The following ADAMTSL1 variants were observed in gnomAD, a reference collection of about 807,000 sequenced individuals.
ADAMTSL1 encodes the protein ADAMTS-like protein 1.
Under a neutral mutation model 201.8 loss-of-function variants are expected in ADAMTSL1, and 126 were observed. The observed-to-expected ratio is 0.62, with a 90% CI of 0.54 to 0.72. ADAMTSL1 has a LOEUF of 0.72. Ranked by LOEUF, ADAMTSL1 falls within the 30% of genes least tolerant of loss-of-function variation. The pLI is 0.00. For synonymous variants in ADAMTSL1, 1,121 were observed against 903.4 expected (o/e 1.24, Z -4.32); for missense variants, 2,679 against 2,277.8 (o/e 1.18, Z -3.59).
At position 18,534,732 on chromosome 9, in the gene ADAMTSL1, A is replaced by G. The variant is rs533440426; in HGVS notation, c.237+1440A>G. On this transcript the variant is annotated intron_variant, in intron 3 of 28. Coordinates refer to ENST00000380548, the MANE Select transcript of ADAMTSL1 (RefSeq NM_001040272.6). Reference sequence around the variant, plus strand: ...TCTAAGCAGAGGTTCCCAAACCTCAATTCTTCTGCACACCTGCAGGACCAC... The same window carrying G: ...TCTAAGCAGAGGTTCCCAAACCTCAGTTCTTCTGCACACCTGCAGGACCAC... Among the ~76,000 whole-genome samples, 45 of 152,300 alleles carry G rather than the reference A, an allele frequency of 3.0e-4. No individual in the cohort carries two copies. The South Asian group carries it at 8.9e-3, about 30-fold the overall frequency.
chr9:18,508,664 T>G (rs964022235), intron 2 of ADAMTSL1, among the ~76,000 whole-genome samples: 13 of 152,206 alleles, frequency 8.5e-5, no homozygotes, highest in Non-Finnish European at 1.6e-4. Flanking sequence ...CTAGCATTCA[T>G]TAAACTTTCA....
Position 18,887,994 on chromosome 9 carries a change from T to C in ADAMTSL1, c.4413T>C (p.Ala1471=), listed in dbSNP as rs188572667. The change falls in exon 24 of 29, where the codon GCT becomes GCC. Residue 1471 remains alanine (A), a synonymous_variant. Coordinates refer to ENST00000380548, the MANE Select transcript of ADAMTSL1 (RefSeq NM_001040272.6). ...CTCAAGGGGAATTCAGCTGCCTTGCTCAGAATGAGGCAGGGGTGCTCATGC... is the reference window on the plus strand; with the variant it reads ...CTCAAGGGGAATTCAGCTGCCTTGCCCAGAATGAGGCAGGGGTGCTCATGC... The part of the protein sequence containing the change: ...GGSQGEFSCL[A]QNEAGVLMQK... The C allele has an allele frequency of 5.0e-6, 8 of 1,613,960 alleles. No homozygotes were observed. In the East Asian group the frequency reaches 1.8e-4, roughly 36 times the overall value.
At position 18,287,604 on chromosome 9, in the gene ADAMTSL1, T is replaced by C. The variant is rs200791717; in HGVS notation, c.207+123623T>C. ...ATATGTGTATATATACACACATATA[T>C]GCATATATGTATGTGTATACATATA... is the stretch of plus-strand genomic sequence containing the variant. On this transcript the variant is annotated intron_variant, in intron 2 of 29. Coordinates refer to the ADAMTSL1 transcript ENST00000680146. 1.5e-3 allele frequency among the ~76,000 whole-genome samples: 189 copies of C among 129,222 alleles called. 1 individual carries two copies. Among genetic ancestry groups the C allele is most frequent in the East Asian group, 0.014 (68 of 4,696 alleles). 84.8% of individuals were successfully genotyped at this position (129,222 alleles called of 152,430 possible).
chr9:17,978,740 A>T (rs1029519961), intron 1 of ADAMTSL1, among the ~76,000 whole-genome samples: 1 of 151,996 alleles, frequency 6.6e-6, no homozygotes, highest in Non-Finnish European at 1.5e-5. Context: ...AGTATTATGA[A>T]TTTTTCTAAA....
intron 1 of ADAMTSL1, among the ~76,000 whole-genome samples, chr9:18,046,222 C>A (rs1169031387): frequency 6.6e-6 from 1 of 152,122 alleles, no homozygotes; most frequent in African/African-American, 2.4e-5. Context: ...AATGCAGAGA[C>A]TCAAAACAAG....
chr9:18,519,996 G>A (rs1265957065), intron 2 of ADAMTSL1, among the ~76,000 whole-genome samples: 2 of 152,122 alleles, frequency 1.3e-5, no homozygotes, highest in Non-Finnish European at 2.9e-5. Flanking sequence ...TTGAAGAACA[G>A]GCAGGGATAT....
At chr9:18,307,255 A>C (rs901156744) in intron 2 of ADAMTSL1, among the ~76,000 whole-genome samples, 11 of 152,204 alleles carry the variant, frequency 7.2e-5, no homozygotes, top group East Asian at 3.8e-4. Context: ...CAAATTGTAA[A>C]GACCGTTGAT....
At chr9:18,108,748 A>G (rs1175444619) in intron 1 of ADAMTSL1, among the ~76,000 whole-genome samples, 2 of 152,096 alleles carry the variant, frequency 1.3e-5, no homozygotes, top group Non-Finnish European at 2.9e-5. Context: ...ATCCCTTATC[A>G]TGGACTTTTG....
At chr9:18,467,519 A>G (rs1185856155) in intron 2 of ADAMTSL1, among the ~76,000 whole-genome samples, 1 of 152,242 alleles carries the variant, frequency 6.6e-6, no homozygotes, top group Non-Finnish European at 1.5e-5. Flanking sequence ...TATCTATGAT[A>G]TATAATGCAT....
chr9:18,100,819 C>T (rs1365338501), intron 1 of ADAMTSL1, among the ~76,000 whole-genome samples: 1 of 152,208 alleles, frequency 6.6e-6, no homozygotes, highest in Non-Finnish European at 1.5e-5. Context: ...TTTTCAGTAT[C>T]AGCTTCTGTT....
rs377713477 is a variant in ADAMTSL1 at position 18,826,413 on chromosome 9, C to T, written c.4064C>T (p.Ala1355Val). ...GATCAGGGCCTGTACTCCTGCAGGG[C>T]GGCCAATCTTCATGGAGAGCTGACT... Reference protein sequence around the residue: ...SSDQGLYSCRAANLHGELTES... With the variant: ...SSDQGLYSCRVANLHGELTES... The change falls in exon 22 of 29, where the codon GCG becomes GTG. Residue 1355 changes from alanine to valine, a missense_variant. Coordinates refer to ENST00000380548, the MANE Select transcript of ADAMTSL1 (RefSeq NM_001040272.6). The T allele has an allele frequency of 2.6e-5, 42 of 1,613,866 alleles. No homozygotes were observed. Among genetic ancestry groups the T allele is most frequent in the Middle Eastern group, 3.3e-4 (2 of 6,062 alleles).
At chr9:17,922,193 G>A (rs747214001) in intron 1 of ADAMTSL1, among the ~76,000 whole-genome samples, 18 of 151,532 alleles carry the variant, frequency 1.2e-4, no homozygotes, top group Non-Finnish European at 2.5e-4. Flanking sequence ...ATTTTGCACT[G>A]GGATGATCTC....
At chr9:18,365,914 T>A (rs1160029907) in intron 2 of ADAMTSL1, among the ~76,000 whole-genome samples, 2 of 151,882 alleles carry the variant, frequency 1.3e-5, no homozygotes, top group Admixed American at 6.6e-5. Context: ...GGGAGGGAGC[T>A]GGGTTGTGTG....
chr9:18,730,841 A>G (rs911375792), intron 15 of ADAMTSL1, among the ~76,000 whole-genome samples: 9 of 152,132 alleles, frequency 5.9e-5, no homozygotes, highest in Admixed American at 5.2e-4. Context: ...ACTTACTGCT[A>G]TTGACTCTGG....
At chr9:18,418,217 A>G (rs537972501) in intron 2 of ADAMTSL1, among the ~76,000 whole-genome samples, 1 of 152,278 alleles carries the variant, frequency 6.6e-6, no homozygotes, top group Admixed American at 6.5e-5. Context: ...AGTATCTGCT[A>G]AAAAACCCAA....
intron 3 of ADAMTSL1, among the ~76,000 whole-genome samples, chr9:18,547,875 T>C (rs1056194920): frequency 1.3e-5 from 2 of 151,446 alleles, no homozygotes; most frequent in Admixed American, 6.6e-5. Context: ...ATGGAGATAA[T>C]CATAAAACCA....
chr9:18,207,156 A>T (rs934201390), intron 2 of ADAMTSL1, among the ~76,000 whole-genome samples: 5 of 151,970 alleles, frequency 3.3e-5, no homozygotes, highest in Non-Finnish European at 5.9e-5. Flanking sequence ...TAAGAGTGAA[A>T]CTCCATCTCA....
At chr9:18,871,193 C>T (rs74970545) in intron 23 of ADAMTSL1, among the ~76,000 whole-genome samples, 1 of 152,086 alleles carries the variant, frequency 6.6e-6, no homozygotes, top group East Asian at 1.9e-4. Flanking sequence ...TCTATATTAC[C>T]AGAGGTGGGG....
At chr9:18,611,201 A>G (rs1169154803) in intron 4 of ADAMTSL1, among the ~76,000 whole-genome samples, 1 of 152,212 alleles carries the variant, frequency 6.6e-6, no homozygotes, top group Non-Finnish European at 1.5e-5. Context: ...ACAAAGAATT[A>G]CAGTTAATGC....
Sources: gnomAD v4.1 joint callset for allele counts (sites outside exome capture counted in the v4.1 genomes callset) on GRCh38, gnomAD v4.1.1 for gene constraint, MANE v1.5 for transcripts, NCBI Gene and HGNC (gene_info 2026-07-23, HGNC 2026-07-21) for gene names.